GLI2: variants seen among roughly 807,000 people sequenced by gnomAD.
GLI2 encodes transcription activator GLI2.
GLI2 carries 22 observed loss-of-function variants against 78.9 expected under a neutral mutation model. The observed-to-expected ratio is 0.28, with a 90% CI of 0.20 to 0.40. The LOEUF is 0.40. Ranked by LOEUF, GLI2 falls within the 10% of genes least tolerant of loss-of-function variation. The pLI, the probability that GLI2 is intolerant of heterozygous loss-of-function variation, is 1.00. For synonymous variants in GLI2, 974 were observed against 963.7 expected, an observed-to-expected ratio of 1.01 and a Z score of -0.20; for missense variants, 2,097 against 2,213.2, an observed-to-expected ratio of 0.95 and a Z score of 1.05.
At chr2:120,904,839 G>A (rs1678441808) in intron 2 of GLI2, among the ~76,000 whole-genome samples, 1 of 152,178 alleles carries the variant, frequency 6.6e-6, no homozygotes, top group South Asian at 2.1e-4. Flanking sequence ...GGTGGATGAT[G>A]TCTCTCCCAA....
Position 120,989,941 on chromosome 2 carries a change from C to T in GLI2, c.3976C>T (p.Leu1326Phe), listed in dbSNP as rs1558944806. Residue 1326 changes from leucine (L) to phenylalanine (F), a missense_variant, in exon 14 of 14, where the codon CTT becomes TTT. By Grantham distance (22) the Leu-to-Phe change is conservative. Coordinates refer to ENST00000361492, the MANE Select transcript of GLI2 (RefSeq NM_001374353.1). ...GGAGGGCTACCACCAGGTCCCCAGC[C>T]TTCTGCCTGCCCGCCAGCCTGGCTT... Reference protein sequence around the residue: ...SQEGYHQVPSLLPARQPGFME... With the variant: ...SQEGYHQVPSFLPARQPGFME... 5.6e-6 allele frequency: 9 copies of T among 1,611,394 alleles called. No individual in the cohort carries two copies. The highest frequency in any genetic ancestry group is 7.6e-6 in the Non-Finnish European group (9 of 1,179,274).
chr2:120,852,022 A>G (rs1687429387), intron 2 of GLI2, among the ~76,000 whole-genome samples: 1 of 152,168 alleles, frequency 6.6e-6, no homozygotes, highest in Non-Finnish European at 1.5e-5. Context: ...ACACCAGTCA[A>G]TTGAGGAGTG....
intron 2 of GLI2, among the ~76,000 whole-genome samples, chr2:120,924,311 T>G (rs1233498194): frequency 3.9e-5 from 6 of 151,952 alleles, no homozygotes; most frequent in Non-Finnish European, 5.9e-5. Flanking sequence ...TCGATGGGGG[T>G]CTGGGATCAC....
rs149531133 is a variant in GLI2 at position 120,752,238 on chromosome 2, C to G, written c.-31+15953C>G. Among the ~76,000 whole-genome samples, 748 of 134,764 alleles carry G rather than the reference C, an allele frequency of 5.6e-3. 1 individual carries two copies. Among genetic ancestry groups the G allele is most frequent in the Admixed American group, 9.4e-3 (128 of 13,662 alleles). 88.4% of individuals were successfully genotyped at this position (134,764 alleles called of 152,430 possible). ...ATGTATGTATATGTGTGTAGATCATCTTCATTCACTTTATTTCTCACCTAT... is the reference window on the plus strand; with the variant it reads ...ATGTATGTATATGTGTGTAGATCATGTTCATTCACTTTATTTCTCACCTAT... On this transcript the variant is annotated intron_variant, in intron 1 of 13. Coordinates refer to ENST00000361492, the MANE Select transcript of GLI2 (RefSeq NM_001374353.1).
chr2:120,823,310 T>A (rs1423991031), intron 2 of GLI2, among the ~76,000 whole-genome samples: 1 of 152,142 alleles, frequency 6.6e-6, no homozygotes, highest in Non-Finnish European at 1.5e-5. Flanking sequence ...ATCTATAAAT[T>A]TAGCCATACA....
intron 2 of GLI2, among the ~76,000 whole-genome samples, chr2:120,798,784 G>A (rs941114370): frequency 6.6e-5 from 10 of 152,242 alleles, no homozygotes; most frequent in Middle Eastern, 3.4e-3. Context: ...CTGGTGGAGC[G>A]GCCCTGGTCC....
chr2:120,875,281 G>A (rs554185653), intron 2 of GLI2, among the ~76,000 whole-genome samples: 1 of 152,234 alleles, frequency 6.6e-6, no homozygotes, highest in Non-Finnish European at 1.5e-5. Flanking sequence ...CAGGCACAGT[G>A]TGGACAAAGG....
At chr2:120,801,659 A>G (rs1684713218) in intron 2 of GLI2, among the ~76,000 whole-genome samples, 1 of 152,254 alleles carries the variant, frequency 6.6e-6, no homozygotes, top group Non-Finnish European at 1.5e-5. Flanking sequence ...GCAATGAGAT[A>G]GAAAGTGAAG....
At chr2:120,824,819 G>A (rs936986078) in intron 2 of GLI2, among the ~76,000 whole-genome samples, 4 of 152,168 alleles carry the variant, frequency 2.6e-5, no homozygotes, top group Non-Finnish European at 5.9e-5. Flanking sequence ...TGTCCCCATG[G>A]CATTTCTTTG....
intron 11 of GLI2, among the ~76,000 whole-genome samples, chr2:120,983,640 C>G (rs543478590): frequency 3.9e-5 from 6 of 152,232 alleles, no homozygotes; most frequent in Non-Finnish European, 8.8e-5. Context: ...CCTGGGTAGG[C>G]AGAGCCCCTA....
chr2:120,945,654 T>C (rs2104932228), intron 3 of GLI2, among the ~76,000 whole-genome samples: 1 of 152,288 alleles, frequency 6.6e-6, no homozygotes, highest in South Asian at 2.1e-4. Flanking sequence ...TCAGCTCTGA[T>C]GTTCTCTGTA....
intron 2 of GLI2, among the ~76,000 whole-genome samples, chr2:120,880,122 C>T (rs1051199323): frequency 2.0e-5 from 3 of 152,096 alleles, no homozygotes; most frequent in African/African-American, 7.2e-5. Context: ...CTGTAGGGGG[C>T]TGTTACTGGG....
rs1273680976 is a variant in GLI2, at chr2:120,942,953, CATT to C, written c.255-8289_255-8287del. On this transcript the variant is annotated intron_variant, in intron 3 of 13. Coordinates refer to ENST00000361492, the MANE Select transcript of GLI2 (RefSeq NM_001374353.1). ...TCGTTCACACCCTCACTCACTCATT[CATT>C]CATTCGTTCACGCCCTCACTCACTC... Among the ~76,000 whole-genome samples the C allele has an allele frequency of 5.9e-4, 88 of 150,328 alleles. 1 individual carries two copies. Among genetic ancestry groups the C allele is most frequent in the African/African-American group, 2.2e-3 (86 of 39,654 alleles).
chr2:120,852,092 C>T (rs891702599), intron 2 of GLI2, among the ~76,000 whole-genome samples: 3 of 152,144 alleles, frequency 2.0e-5, no homozygotes, highest in African/African-American at 7.2e-5. Context: ...ACACTAAGGG[C>T]GAGAAGTCCC....
chr2:120,851,874 A>G (rs1687421898), intron 2 of GLI2, among the ~76,000 whole-genome samples: 1 of 152,230 alleles, frequency 6.6e-6, no homozygotes, highest in South Asian at 2.1e-4. Context: ...CCCACTGGGT[A>G]CTGGGGAAGG....
chr2:120,857,337 C>G, intron 2 of GLI2, among the ~76,000 whole-genome samples: 1 of 141,126 alleles, frequency 7.1e-6, no homozygotes, highest in South Asian at 2.3e-4. Context: ...ACCCACCTAC[C>G]CATCTGCCCA....
At chr2:120,956,968 C>G (rs1327495165) in intron 5 of GLI2, among the ~76,000 whole-genome samples, 1 of 152,196 alleles carries the variant, frequency 6.6e-6, no homozygotes, top group Non-Finnish European at 1.5e-5. Context: ...TCCTCCTTCC[C>G]TTTCCCCTGC....
At chr2:120,946,657 A>G (rs1474778309) in intron 3 of GLI2, among the ~76,000 whole-genome samples, 1 of 152,188 alleles carries the variant, frequency 6.6e-6, no homozygotes, top group Non-Finnish European at 1.5e-5. Context: ...GTGGTGGTTC[A>G]GACTTCACCA....
At chr2:120,922,660 C>G (rs1376933491) in intron 2 of GLI2, among the ~76,000 whole-genome samples, 2 of 152,190 alleles carry the variant, frequency 1.3e-5, no homozygotes, top group Non-Finnish European at 2.9e-5. Flanking sequence ...TGAGCCCCCA[C>G]AACAGCAACC....
Sources: gnomAD v4.1 joint callset for allele counts (sites outside exome capture counted in the v4.1 genomes callset) on GRCh38, gnomAD v4.1.1 for gene constraint, MANE v1.5 for transcripts, NCBI Gene and HGNC (gene_info 2026-07-23, HGNC 2026-07-21) for gene names.